Variants in SERPINB10 observed in about 807,000 individuals in gnomAD.
SERPINB10 encodes the protein serpin family B member 10, also known as serpin B10.
In SERPINB10, 35 loss-of-function variants were observed where a neutral mutation model predicts 39.1. That is an observed-to-expected ratio of 0.90 (90% CI 0.68 to 1.19). SERPINB10 has a LOEUF of 1.19. Ranked by LOEUF, SERPINB10 falls within the 50% of genes most tolerant of loss-of-function variation. SERPINB10 has a pLI of 0.00. For synonymous variants in SERPINB10, 190 were observed against 158.1 expected (o/e 1.20, Z -1.52); for missense variants, 546 against 460.5 (o/e 1.19, Z -1.70).
At chr18:63,911,966 T>A (rs75538972) in intron 1 of SERPINB10, among the ~76,000 whole-genome samples, 1 of 151,988 alleles carries the variant, frequency 6.6e-6, no homozygotes, top group African/African-American at 2.4e-5. Flanking sequence ...TGTTTTTTTT[T>A]ACCTCACTTT....
At position 63,912,863 on chromosome 18, in the gene SERPINB10, G is replaced by C. The variant is rs530181154; in HGVS notation, c.-9-2639G>C. 5.9e-5 allele frequency among the ~76,000 whole-genome samples: 9 copies of C among 151,882 alleles called. No individual in the cohort carries two copies. In the South Asian group the frequency reaches 1.9e-3, roughly 32 times the overall value. On this transcript the variant is annotated intron_variant, in intron 1 of 7. Coordinates refer to ENST00000238508, the MANE Select transcript of SERPINB10 (RefSeq NM_005024.3). Reference sequence around the variant, plus strand: ...ATTTCATCAGCATTGATGCCAGCTTGTCTTTGTACATCTGGTAGAATTCAG... The same window carrying C: ...ATTTCATCAGCATTGATGCCAGCTTCTCTTTGTACATCTGGTAGAATTCAG...
intron 1 of SERPINB10, among the ~76,000 whole-genome samples, chr18:63,909,243 G>C (rs2050046947): frequency 6.6e-6 from 1 of 152,022 alleles, no homozygotes; most frequent in South Asian, 2.1e-4. Flanking sequence ...AACTGCAAAA[G>C]AGCAATTAAT....
chr18:63,908,866 G>A (rs2050044272), intron 1 of SERPINB10, among the ~76,000 whole-genome samples: 1 of 151,976 alleles, frequency 6.6e-6, no homozygotes, highest in African/African-American at 2.4e-5. Flanking sequence ...CCTCCTGATG[G>A]TTCTCCATCA....
chr18:63,910,224 T>C, intron 1 of SERPINB10, among the ~76,000 whole-genome samples: 1 of 152,058 alleles, frequency 6.6e-6, no homozygotes, highest in East Asian at 1.9e-4. Context: ...GTGACGTTCA[T>C]GCAAGACCTA....
At chr18:63,922,518 G>C (rs1244948175) in intron 5 of SERPINB10, among the ~76,000 whole-genome samples, 1 of 151,928 alleles carries the variant, frequency 6.6e-6, no homozygotes, top group African/African-American at 2.4e-5. Flanking sequence ...CTGTTATGTT[G>C]TTTGGAAATC....
chr18:63,927,459 A>T (rs1179757018), intron 5 of SERPINB10, among the ~76,000 whole-genome samples: 1 of 152,082 alleles, frequency 6.6e-6, no homozygotes, highest in South Asian at 2.1e-4. Context: ...GAAGTCCGCA[A>T]TCAAGGTGCC....
intron 1 of SERPINB10, among the ~76,000 whole-genome samples, chr18:63,911,040 A>G (rs1334443209): frequency 6.6e-6 from 1 of 152,032 alleles, no homozygotes; most frequent in Non-Finnish European, 1.5e-5. Context: ...TTCTCTAATG[A>G]TTAATGATGT....
chr18:63,930,358 C>CCCTGT (rs2050213722), intron 6 of SERPINB10, among the ~76,000 whole-genome samples, 171 bp downstream of exon 6: 1 of 152,046 alleles, frequency 6.6e-6, no homozygotes, highest in African/African-American at 2.4e-5. Context: ...ATTGAAATTC[C>CCCTGT]CCTGTCCTTG....
chr18:63,918,468 T>C (rs2050121473), intron 4 of SERPINB10, among the ~76,000 whole-genome samples: 1 of 151,912 alleles, frequency 6.6e-6, no homozygotes, highest in Non-Finnish European at 1.5e-5. Context: ...ACATGAAACA[T>C]GAAATAATAT....
chr18:63,913,642 T>C (rs114709234), intron 1 of SERPINB10, among the ~76,000 whole-genome samples: 196 of 152,262 alleles, frequency 1.3e-3, no homozygotes, highest in African/African-American at 4.1e-3. Flanking sequence ...GTATAGTTGG[T>C]ACAATTTCAG....
In SERPINB10 at chr18:63,933,168, A is replaced by T; in HGVS notation, c.754A>T (p.Ile252Leu). The change falls in exon 7 of 8, where the codon ATA becomes TTA. Residue 252 changes from isoleucine (I) to leucine (L), a missense_variant. Physicochemically the swap from Ile to Leu is conservative, Grantham distance 5. Transcript: ENST00000238508. ...YYKSRDLSLL[I>L]LLPEDINGLE... The stretch of plus-strand genomic sequence containing the variant: ...CAAAAGCCGTGACCTCAGCCTGCTT[A>T]TACTACTGCCAGAAGACATTAATGG... 1.2e-6 allele frequency: 2 copies of T among 1,614,064 alleles called. No individual in the cohort carries two copies. The highest frequency in any genetic ancestry group is 1.7e-6 in the Non-Finnish European group (2 of 1,179,946).
intron 5 of SERPINB10, among the ~76,000 whole-genome samples, chr18:63,924,286 C>T (rs1050766520): frequency 3.3e-5 from 5 of 151,912 alleles, no homozygotes; most frequent in Non-Finnish European, 5.9e-5. Flanking sequence ...GGGAAGCTTC[C>T]AGTTTTTCTT....
intron 5 of SERPINB10, among the ~76,000 whole-genome samples, chr18:63,923,806 C>T (rs1353873995): frequency 2.0e-5 from 3 of 151,684 alleles, no homozygotes; most frequent in Non-Finnish European, 4.4e-5. Flanking sequence ...TTTGATTTTC[C>T]ATTTATATTT....
At chr18:63,934,240 T>C (rs2050244863) in intron 7 of SERPINB10, among the ~76,000 whole-genome samples, 1 of 152,202 alleles carries the variant, frequency 6.6e-6, no homozygotes, top group Admixed American at 6.5e-5. Flanking sequence ...ATATATAGTA[T>C]GTACACACAT....
chr18:63,924,816 A>G (rs1261728969), intron 5 of SERPINB10, among the ~76,000 whole-genome samples: 6 of 151,956 alleles, frequency 3.9e-5, no homozygotes, highest in African/African-American at 1.4e-4. Context: ...CAAATTTTCC[A>G]GTCCTTTAAT....
In SERPINB10 at chr18:63,935,078, A is replaced by C; in HGVS notation, c.1030A>C (p.Ile344Leu). 1 of 1,614,226 alleles carries C rather than the reference A, an allele frequency of 6.2e-7. No individual in the cohort carries two copies. Among genetic ancestry groups the C allele is most frequent in the Non-Finnish European group, 8.5e-7 (1 of 1,180,044 alleles). Residue 344 changes from isoleucine to leucine, a missense_variant, in exon 8 of 8, where the codon ATA becomes CTA. Physicochemically the swap from Ile to Leu is conservative, Grantham distance 5 (BLOSUM62 2). Transcript: ENST00000238508. ...SNVFHKAFVE[I>L]NEQGTEAAAG... ...TGTTTTCCATAAGGCTTTTGTGGAAATAAATGAACAAGGTACTGAAGCTGC... is the reference window on the plus strand; with the variant it reads ...TGTTTTCCATAAGGCTTTTGTGGAACTAAATGAACAAGGTACTGAAGCTGC...
intron 5 of SERPINB10, among the ~76,000 whole-genome samples, chr18:63,922,082 A>T (rs1341488170): frequency 6.6e-6 from 1 of 151,916 alleles, no homozygotes; most frequent in Non-Finnish European, 1.5e-5. Flanking sequence ...CCCCTGCTAG[A>T]CTCAAGGACT....
intron 4 of SERPINB10, among the ~76,000 whole-genome samples, chr18:63,918,409 G>A (rs1319159555): frequency 6.6e-6 from 1 of 152,018 alleles, no homozygotes; most frequent in Non-Finnish European, 1.5e-5. Flanking sequence ...CTGACCTTGG[G>A]ATGAGAGAAG....
chr18:63,921,061 A>G (rs2050143290), intron 5 of SERPINB10, among the ~76,000 whole-genome samples: 1 of 151,976 alleles, frequency 6.6e-6, no homozygotes, highest in African/African-American at 2.4e-5. Flanking sequence ...ACTGATTTCT[A>G]CACACCATGC....
Sources: allele counts gnomAD v4.1 joint callset (sites outside exome capture counted in the v4.1 genomes callset), GRCh38; gene constraint gnomAD v4.1.1; transcripts MANE v1.5; gene names NCBI Gene and HGNC (gene_info 2026-07-23, HGNC 2026-07-21).